The following MTUS2 variants were observed in gnomAD, a reference collection of about 807,000 sequenced individuals.
MTUS2 encodes the protein microtubule associated scaffold protein 2.
MTUS2 carries 40 observed loss-of-function variants against 114.1 expected under a neutral mutation model. The ratio of observed to expected loss-of-function variants is 0.35; its 90% CI spans 0.27 to 0.46. The LOEUF is 0.46. MTUS2 is among the 20% of genes least tolerant of loss of function. The pLI, the probability that MTUS2 is intolerant of heterozygous loss-of-function variation, is 1.00. For synonymous variants in MTUS2, 688 were observed against 672.0 expected (o/e 1.02, Z -0.37); for missense variants, 1,679 against 1,705.4 (o/e 0.98, Z 0.27).
rs1662160268 is a variant in MTUS2 at position 29,025,731 on chromosome 13, G to A, written c.1033G>A (p.Gly345Arg). ...GGAAGAGAATCTGTCAGCCTTGGAG[G>A]GAAGGGATCCATGTGGGGAAGCACA... is the stretch of plus-strand genomic sequence containing the variant. ...HKEENLSALEGRDPCGEAHPE... is the reference protein window; with the variant it reads ...HKEENLSALERRDPCGEAHPE... Residue 345 changes from glycine (G) to arginine (R), a missense_variant, in exon 3 of 16, where the codon GGA becomes AGA. Gly to Arg is a moderately radical substitution (Grantham distance 125). Coordinates refer to ENST00000612955, the MANE Select transcript of MTUS2 (RefSeq NM_001033602.4). 1 of 1,613,998 alleles carries A rather than the reference G, an allele frequency of 6.2e-7. No individual in the cohort carries two copies. The highest frequency in any genetic ancestry group is 8.5e-7 in the Non-Finnish European group (1 of 1,179,884).
rs554081510 is a variant in MTUS2, at chr13:28,908,315, C to T, written c.-243+68465C>T. ...CCTCCCCCAACCCCACAACAGGCCC[C>T]GGTGGGTGATGTTCCCCTTCCTGTG... On this transcript the variant is annotated intron_variant, in intron 2 of 15. Transcript: ENST00000612955. 1.3e-4 allele frequency among the ~76,000 whole-genome samples: 19 copies of T among 151,448 alleles called. 1 individual carries two copies. Among genetic ancestry groups the T allele is most frequent in the African/African-American group, 4.1e-4 (17 of 41,070 alleles).
At chr13:28,833,240 T>C (rs2137958249) in intron 1 of MTUS2, among the ~76,000 whole-genome samples, 1 of 152,218 alleles carries the variant, frequency 6.6e-6, no homozygotes, top group Middle Eastern at 3.4e-3. Context: ...AGTACTTTGA[T>C]ACAAAAGCCA....
chr13:29,498,910 G>C lies in MTUS2; in HGVS notation c.3798+373G>C, dbSNP rs550260430. On this transcript the variant is annotated intron_variant, in intron 14 of 15. Transcript: ENST00000612955. Reference sequence around the variant, plus strand: ...CCCCGAGCCTGCGCCTAACTCCTACGGCTGCCTGTGGAGCAGCTGCCGCCA... The same window carrying C: ...CCCCGAGCCTGCGCCTAACTCCTACCGCTGCCTGTGGAGCAGCTGCCGCCA... Among the ~76,000 whole-genome samples, 18 of 152,264 alleles carry C rather than the reference G, an allele frequency of 1.2e-4. No homozygotes were observed. In the East Asian group the frequency reaches 3.5e-3, roughly 29 times the overall value.
At chr13:29,363,540 C>A (rs1388460758) in intron 8 of MTUS2, among the ~76,000 whole-genome samples, 9 of 152,068 alleles carry the variant, frequency 5.9e-5, no homozygotes, top group Admixed American at 5.2e-4. Flanking sequence ...TATTATTTTA[C>A]CTTTTATCAC....
chr13:29,275,513 C>T (rs1898031371), intron 5 of MTUS2, among the ~76,000 whole-genome samples: 1 of 152,056 alleles, frequency 6.6e-6, no homozygotes, highest in Non-Finnish European at 1.5e-5. Flanking sequence ...CCCTCTGCTC[C>T]CACCCACCAC....
At chr13:29,230,578 GAGGGTTGGTCTGATAT>G (rs1183737517) in intron 5 of MTUS2, among the ~76,000 whole-genome samples, 10 of 152,238 alleles carry the variant, frequency 6.6e-5, no homozygotes, top group African/African-American at 1.9e-4. Flanking sequence ...TTTTCAGTGA[GAGGGTTGGTCTGATAT>G]AAGCAACTTC....
chr13:29,381,156 ATC>A (rs1244107753), intron 8 of MTUS2, among the ~76,000 whole-genome samples: 3 of 152,204 alleles, frequency 2.0e-5, no homozygotes, highest in Admixed American at 2.0e-4. Flanking sequence ...AGGGGCATGT[ATC>A]TGGGCTTCTG....
intron 4 of MTUS2, among the ~76,000 whole-genome samples, chr13:29,070,115 A>C (rs1888847044): frequency 6.6e-6 from 1 of 152,198 alleles, no homozygotes; most frequent in Non-Finnish European, 1.5e-5. Flanking sequence ...CATGCAATAA[A>C]TATTTACTGG....
At chr13:28,999,219 G>T (rs958395388) in intron 2 of MTUS2, among the ~76,000 whole-genome samples, 2 of 151,430 alleles carry the variant, frequency 1.3e-5, no homozygotes, top group African/African-American at 4.9e-5. Flanking sequence ...TTGGTGAACC[G>T]CAAATGCTGC....
Position 29,100,919 on chromosome 13 carries a change from A to G in MTUS2, c.2593A>G (p.Ser865Gly), listed in dbSNP as rs991644178. Reference sequence around the variant, plus strand: ...GAGCTCCAGCGTCTCCTCAGTCTCCAGCACCCAGTCCGGGGACAGTGCACA... The same window carrying G: ...GAGCTCCAGCGTCTCCTCAGTCTCCGGCACCCAGTCCGGGGACAGTGCACA... The part of the protein sequence containing the change: ...VRSSSVSSVS[S>G]TQSGDSAQPE... Residue 865 changes from serine to glycine, a missense_variant, in exon 5 of 16, where the codon AGC becomes GGC. Physicochemically the swap from Ser to Gly is moderately conservative, Grantham distance 56. Transcript: ENST00000612955. 4 of 1,577,058 alleles carry G rather than the reference A, an allele frequency of 2.5e-6. No individual in the cohort carries two copies. The Admixed American group carries it at 5.5e-5, about 22-fold the overall frequency.
At chr13:29,118,092 G>A (rs897244558) in intron 5 of MTUS2, among the ~76,000 whole-genome samples, 2 of 152,068 alleles carry the variant, frequency 1.3e-5, no homozygotes, top group East Asian at 3.9e-4. Flanking sequence ...GAAAAGATGT[G>A]TTCTCTGCCT....
chr13:28,854,918 C>T (rs919609003), intron 2 of MTUS2, among the ~76,000 whole-genome samples: 1 of 80,478 alleles, frequency 1.2e-5, no homozygotes, highest in African/African-American at 2.8e-5. Flanking sequence ...GTTCCATCTC[C>T]CTCCTGGGGA....
chr13:29,129,747 C>T lies in MTUS2; in HGVS notation c.2644+28777C>T, dbSNP rs115739110. Among the ~76,000 whole-genome samples, 278 of 152,222 alleles carry T rather than the reference C, an allele frequency of 1.8e-3. 1 individual carries two copies. The highest frequency in any genetic ancestry group is 6.6e-3 in the African/African-American group (273 of 41,534). Reference sequence around the variant, plus strand: ...TGGCTGGTGAGGAACTGCCTGTGCCCAGCATGCTGGTTCTCAGGGGCAGCC... The same window carrying T: ...TGGCTGGTGAGGAACTGCCTGTGCCTAGCATGCTGGTTCTCAGGGGCAGCC... On this transcript the variant is annotated intron_variant, in intron 5 of 15. Coordinates refer to ENST00000612955, the MANE Select transcript of MTUS2 (RefSeq NM_001033602.4).
chr13:29,376,733 T>C (rs148496714), intron 8 of MTUS2, among the ~76,000 whole-genome samples: 155 of 152,264 alleles, frequency 1.0e-3, no homozygotes, highest in African/African-American at 3.3e-3. Context: ...AAATGTTATA[T>C]AGTACACAAA....
intron 2 of MTUS2, among the ~76,000 whole-genome samples, chr13:28,874,437 A>G (rs1034247575): frequency 6.6e-6 from 1 of 152,248 alleles, no homozygotes; most frequent in Non-Finnish European, 1.5e-5. Context: ...TTAGCCAGGA[A>G]TTCAGGAAGG....
chr13:28,845,573 A>C (rs539640426), intron 2 of MTUS2, among the ~76,000 whole-genome samples: 1 of 152,304 alleles, frequency 6.6e-6, no homozygotes, highest in Non-Finnish European at 1.5e-5. Context: ...GAAGGAAAAA[A>C]ATTATCCTTT....
At chr13:28,996,953 G>A (rs1448355722) in intron 2 of MTUS2, among the ~76,000 whole-genome samples, 1 of 152,022 alleles carries the variant, frequency 6.6e-6, no homozygotes, top group African/African-American at 2.4e-5. Context: ...GAATGTGTTT[G>A]CTCCTGCTTC....
At chr13:29,057,626 T>C (rs1467526092) in intron 4 of MTUS2, among the ~76,000 whole-genome samples, 1 of 152,190 alleles carries the variant, frequency 6.6e-6, no homozygotes, top group Non-Finnish European at 1.5e-5. Flanking sequence ...AATCTCTGCT[T>C]TTTCCTGTGT....
chr13:29,492,936 G>C (rs528335341), intron 12 of MTUS2, among the ~76,000 whole-genome samples: 37 of 152,306 alleles, frequency 2.4e-4, no homozygotes, highest in African/African-American at 7.9e-4. Context: ...ACACATACTT[G>C]CACCAAATGA....
Sources: allele counts gnomAD v4.1 joint callset (sites outside exome capture counted in the v4.1 genomes callset), GRCh38; gene constraint gnomAD v4.1.1; transcripts MANE v1.5; gene names NCBI Gene and HGNC (gene_info 2026-07-23, HGNC 2026-07-21).